Variants in CYP4V2 observed in about 807,000 individuals in gnomAD.
CYP4V2 encodes cytochrome P450 4V2.
CYP4V2 carries 55 observed loss-of-function variants against 60.8 expected under a neutral mutation model. The observed-to-expected ratio is 0.90, with a 90% CI of 0.73 to 1.13. The LOEUF (loss-of-function observed/expected upper bound fraction) is 1.13. Ranked by LOEUF, CYP4V2 falls within the 50% of genes most tolerant of loss-of-function variation. The pLI is 0.00. For missense variants in CYP4V2, 675 were observed against 662.9 expected (o/e 1.02, Z -0.20); for synonymous variants, 239 against 236.8 (o/e 1.01, Z -0.08).
rs1025969510 is a variant in CYP4V2, at chr4:186,213,035, A to T, written c.*2394A>T. On this transcript the variant is annotated 3_prime_UTR_variant, in exon 11 of 11. Coordinates refer to ENST00000378802, the MANE Select transcript of CYP4V2 (RefSeq NM_207352.4). ...AATTGGTATTATCTCTGTTTTATGC[A>T]CTTACATTTATCCCTTACATTTTGT... is the stretch of plus-strand genomic sequence containing the variant. 10 of 152,228 alleles carry T rather than the reference A, an allele frequency of 6.6e-5. No homozygotes were observed. Among genetic ancestry groups the T allele is most frequent in the Non-Finnish European group, 1.0e-4 (7 of 68,032 alleles). The allele number at this position is 152,228 out of a possible 1,614,324, so 9.4% of individuals were successfully genotyped here. A position where few individuals can be genotyped will look rare whatever the true frequency, so the allele number is the denominator to read the frequency against.
chr4:186,209,298 AC>A, intron 10 of CYP4V2, 26 bp downstream of exon 10: 1 of 1,613,364 alleles, frequency 6.2e-7, no homozygotes, highest in Non-Finnish European at 8.5e-7. Context: ...AATTGGTTTG[AC>A]CTTTCAGGCC....
chr4:186,205,279 A>T lies in CYP4V2; in HGVS notation c.1067A>T (p.Asp356Val), dbSNP rs146521931. 3.1e-6 allele frequency: 5 copies of T among 1,614,116 alleles called. No individual in the cohort carries two copies. Among genetic ancestry groups the T allele is most frequent in the Non-Finnish European group, 4.2e-6 (5 of 1,180,048 alleles). Residue 356 changes from aspartate to valine, a missense_variant, in exon 8 of 11, where the codon GAT becomes GTT. Coordinates refer to ENST00000378802, the MANE Select transcript of CYP4V2 (RefSeq NM_207352.4). Reference protein sequence around the residue: ...GSNPEVQKKVDHELDDVFGKS... With the variant: ...GSNPEVQKKVVHELDDVFGKS... ...AACCCAGAAGTCCAGAAAAAAGTGGATCATGAATTGGATGACGTGTTTGGT... is the reference window on the plus strand; with the variant it reads ...AACCCAGAAGTCCAGAAAAAAGTGGTTCATGAATTGGATGACGTGTTTGGT...
rs762821992 is a variant in CYP4V2, at chr4:186,210,486, A to G, written c.1423A>G (p.Met475Val). ...ATTTGAAGGTCAAAAGTTTGCTGTG[A>G]TGGAAGAAAAGACCATTCTTTCGTG... ...RNCIGQKFAV[M>V]EEKTILSCIL... Residue 475 changes from methionine to valine, a missense_variant, in exon 11 of 11, where the codon ATG (methionine) becomes GTG (valine). Transcript: ENST00000378802. 63 of 1,614,030 alleles carry G rather than the reference A, an allele frequency of 3.9e-5. No homozygotes were observed. Among genetic ancestry groups the G allele is most frequent in the Non-Finnish European group, 4.9e-5 (58 of 1,180,032 alleles).
At position 186,196,233 on chromosome 4, in the gene CYP4V2, CCAGCTGG is replaced by C. The variant is rs1224773546; in HGVS notation, c.413+154_413+160del. The C allele has an allele frequency of 1.3e-5, 10 of 780,370 alleles. No homozygotes were observed. In the African/African-American group the frequency reaches 1.4e-4, roughly 11 times the overall value. The allele number at this position is 780,370 out of a possible 1,614,324, so 48.3% of individuals were successfully genotyped here. ...GAGGAGAAAGGCTGGAAAGGAAGGT[CCAGCTGG>C]CAGCTGGCCTTTGCCCGTCAAGAGG... On this transcript the variant is annotated intron_variant, in intron 3 of 10. Coordinates refer to ENST00000378802, the MANE Select transcript of CYP4V2 (RefSeq NM_207352.4).
rs750524069 is a variant in CYP4V2, at chr4:186,210,570, G to C, written c.1507G>C (p.Gly503Arg). 2 of 1,614,158 alleles carry C rather than the reference G, an allele frequency of 1.2e-6. No individual in the cohort carries two copies. The highest frequency in any genetic ancestry group is 4.5e-5 in the East Asian group (2 of 44,868). Residue 503 changes from glycine to arginine, a missense_variant, in exon 11 of 11, where the codon GGA becomes CGA. Gly to Arg is a moderately radical substitution (Grantham distance 125). Coordinates refer to ENST00000378802, the MANE Select transcript of CYP4V2 (RefSeq NM_207352.4). The part of the protein sequence containing the change: ...NQKREELGLE[G>R]QLILRPSNGI... ...GAAAAGAGAAGAGCTTGGTCTAGAA[G>C]GACAGTTGATTCTTCGTCCAAGTAA...
At position 186,195,377 on chromosome 4, in the gene CYP4V2, G is replaced by A. The variant is rs1259878310; in HGVS notation, c.328-626G>A. On this transcript the variant is annotated intron_variant, in intron 2 of 10. Coordinates refer to ENST00000378802, the MANE Select transcript of CYP4V2 (RefSeq NM_207352.4). The surrounding 1 kb of genome is among the most constrained non-coding windows in gnomAD (Gnocchi z 4.1). ...TGGCCTAGTGTTAATAGAAGTTGGT[G>A]TGGTGGATGCAGATGGAGATCTGTC... 1.3e-5 allele frequency among the ~76,000 whole-genome samples: 2 copies of A among 152,246 alleles called. No homozygotes were observed. The highest frequency in any genetic ancestry group is 2.9e-5 in the Non-Finnish European group (2 of 68,044).
intron 6 of CYP4V2, 110 bp from the exon 7 acceptor site, chr4:186,201,047 A>T: frequency 8.9e-7 from 1 of 1,120,682 alleles, no homozygotes; most frequent in Non-Finnish European, 1.3e-6. Context: ...ATGTTGAAAT[A>T]GGCTTAGAAA....
At position 186,205,209 on chromosome 4, in the gene CYP4V2, A is replaced by G; in HGVS notation, c.997A>G (p.Thr333Ala). The G allele has an allele frequency of 6.2e-7, 1 of 1,614,260 alleles. No individual in the cohort carries two copies. Among genetic ancestry groups the G allele is most frequent in the Non-Finnish European group, 8.5e-7 (1 of 1,180,034 alleles). ...VDTFMFEGHD[T>A]TAAAINWSLY... ...TTTTCTGCATTTGTAGGGGCACGAT[A>G]CAACTGCAGCTGCAATAAACTGGTC... Residue 333 changes from threonine to alanine, a missense_variant, in exon 8 of 11, where the codon ACA becomes GCA. Coordinates refer to ENST00000378802, the MANE Select transcript of CYP4V2 (RefSeq NM_207352.4).
intron 5 of CYP4V2, among the ~76,000 whole-genome samples, chr4:186,197,953 A>G (rs1281824418): frequency 6.6e-6 from 1 of 152,254 alleles, no homozygotes; most frequent in Non-Finnish European, 1.5e-5. Context: ...AGCAGATATT[A>G]TAACAGAATG....
intron 7 of CYP4V2, chr4:186,202,184 A>G (rs1247875080): frequency 3.3e-5 from 5 of 152,242 alleles, no homozygotes; most frequent in Non-Finnish European, 5.9e-5. Context: ...TGATCATTCC[A>G]GAGTTCTGTC....
chr4:186,210,024 T>C (rs964221226), intron 10 of CYP4V2, among the ~76,000 whole-genome samples: 7 of 152,202 alleles, frequency 4.6e-5, no homozygotes, highest in Non-Finnish European at 8.8e-5. Flanking sequence ...TTAAGCAAAA[T>C]GAATGCACAT....
rs531826875 is a variant in CYP4V2, at chr4:186,197,411, A to T, written c.605-122A>T. 4.8e-6 allele frequency: 5 copies of T among 1,044,964 alleles called. No homozygotes were observed. In the East Asian group the frequency reaches 1.2e-4, roughly 25 times the overall value. The allele number at this position is 1,044,964 out of a possible 1,614,324, so 64.7% of individuals were successfully genotyped here. On this transcript the variant is annotated intron_variant, in intron 4 of 10. Transcript: ENST00000378802. ...AGAGAAGAGGGTAAAGGGAGGAAGA[A>T]GAATTCTGAAATATACAAGGACAAA...
intron 8 of CYP4V2, among the ~76,000 whole-genome samples, chr4:186,207,621 A>ATT (rs146042355): frequency 6.9e-6 from 1 of 145,272 alleles, no homozygotes; most frequent in Admixed American, 6.9e-5. Context: ...CTTAAATGTT[A>ATT]TTTTTTTTTT....
chr4:186,195,418 G>C lies in CYP4V2; in HGVS notation c.328-585G>C, dbSNP rs568403453. Among the ~76,000 whole-genome samples the C allele has an allele frequency of 7.0e-4, 106 of 152,310 alleles. 1 individual carries two copies. The highest frequency in any genetic ancestry group is 6.8e-3 in the Middle Eastern group (2 of 294). On this transcript the variant is annotated intron_variant, in intron 2 of 10. Transcript: ENST00000378802. This position sits in a 1 kb window ranked among gnomAD's most constrained non-coding sequence, Gnocchi z 4.1. ...GAGATCTGTCCAGAGTAGGGGACTT[G>C]AGCAAGAAGCCTGGTGGGCACCCTG... is the stretch of plus-strand genomic sequence containing the variant.
intron 1 of CYP4V2, chr4:186,192,282 C>T: frequency 1.4e-6 from 1 of 699,082 alleles, no homozygotes; most frequent in Non-Finnish European, 2.6e-6. Context: ...AACCCCTGCC[C>T]TCGGTCTTTT....
At chr4:186,197,394 G>C in intron 4 of CYP4V2, 139 bp from the exon 5 acceptor site, 1 of 957,322 alleles carries the variant, frequency 1.0e-6, no homozygotes, top group Non-Finnish European at 1.7e-6. Flanking sequence ...CAAGAGAAGA[G>C]GGTAAAGGGA....
chr4:186,192,364 C>G (rs898895009), intron 1 of CYP4V2: 21 of 554,926 alleles, frequency 3.8e-5, no homozygotes, highest in Non-Finnish European at 5.8e-5. Context: ...GCCTTAGGAA[C>G]AGAAGCTCCC....
At chr4:186,196,728 C>T (rs1459758368) in intron 3 of CYP4V2, 1 of 551,858 alleles carries the variant, frequency 1.8e-6, no homozygotes, top group East Asian at 3.0e-5. Context: ...GTCCAAAATA[C>T]TCATATTTTG....
intron 1 of CYP4V2, among the ~76,000 whole-genome samples, chr4:186,193,410 G>A (rs570279891): frequency 6.6e-6 from 1 of 152,296 alleles, no homozygotes; most frequent in South Asian, 2.1e-4. Context: ...TGAAGACAAT[G>A]ACGAATACTG....
Sources: gnomAD v4.1 joint callset for allele counts (sites outside exome capture counted in the v4.1 genomes callset) on GRCh38, gnomAD v4.1.1 for gene constraint, Gnocchi (gnomAD v3.1) non-coding constraint, MANE v1.5 for transcripts, NCBI Gene and HGNC (gene_info 2026-07-23, HGNC 2026-07-21) for gene names.